NFIA: variants seen among roughly 807,000 people sequenced by gnomAD.
NFIA encodes the protein nuclear factor I A, also known as nuclear factor 1 A-type.
In NFIA, 8 loss-of-function variants were observed where a neutral mutation model predicts 62.8. The ratio of observed to expected loss-of-function variants is 0.13; its 90% CI spans 0.07 to 0.23. The LOEUF is 0.23. Among genes scored for constraint, NFIA ranks in the 10% least tolerant of loss-of-function variants. The pLI is 1.00. For synonymous variants in NFIA, 235 were observed against 238.1 expected, an observed-to-expected ratio of 0.99 and a Z score of 0.12; for missense variants, 410 against 642.1, an observed-to-expected ratio of 0.64 and a Z score of 3.91.
In NFIA at chr1:61,151,958, C is replaced by G. The variant is rs1357979746; in HGVS notation, c.559+63278C>G. Among the ~76,000 whole-genome samples the G allele has an allele frequency of 2.6e-5, 4 of 152,192 alleles. No homozygotes were observed. In the East Asian group the frequency reaches 7.7e-4, roughly 29 times the overall value. Reference sequence around the variant, plus strand: ...AACCTTGGCATCTCTCACTTAAGAACACTGAATTCATGGTGTTGCTCAGAG... The same window carrying G: ...AACCTTGGCATCTCTCACTTAAGAAGACTGAATTCATGGTGTTGCTCAGAG... On this transcript the variant is annotated intron_variant, in intron 2 of 10. Coordinates refer to ENST00000403491, the MANE Select transcript of NFIA (RefSeq NM_001134673.4).
intron 5 of NFIA, 147 bp from the exon 6 acceptor site, chr1:61,359,000 G>A: frequency 8.9e-7 from 1 of 1,120,800 alleles, no homozygotes; most frequent in East Asian, 2.4e-5. Context: ...TGACTCACCA[G>A]ACTGAACAGA....
At chr1:61,404,975 A>G (rs1415231127) in intron 8 of NFIA, among the ~76,000 whole-genome samples, 1 of 152,252 alleles carries the variant, frequency 6.6e-6, no homozygotes, top group Admixed American at 6.5e-5. Context: ...ATATAGGATT[A>G]GATGTTTACA....
intron 2 of NFIA, among the ~76,000 whole-genome samples, chr1:61,255,421 T>A (rs778428431): frequency 3.3e-5 from 5 of 152,246 alleles, no homozygotes; most frequent in Admixed American, 2.0e-4. Flanking sequence ...ATCATATGAT[T>A]TGCTTGAAAT....
intron 3 of NFIA, among the ~76,000 whole-genome samples, chr1:61,297,248 A>C (rs1329834006): frequency 2.6e-5 from 4 of 152,206 alleles, no homozygotes; most frequent in Non-Finnish European, 5.9e-5. Context: ...TCTACTCTGC[A>C]TACCATTAAA....
chr1:61,189,087 C>T (rs1651418321), intron 2 of NFIA, among the ~76,000 whole-genome samples: 1 of 152,116 alleles, frequency 6.6e-6, no homozygotes, highest in Non-Finnish European at 1.5e-5. Flanking sequence ...AATCAAAGTC[C>T]TGGTATCAGG....
intron 2 of NFIA, among the ~76,000 whole-genome samples, chr1:61,259,815 A>G (rs1487569285): frequency 6.6e-6 from 1 of 152,222 alleles, no homozygotes; most frequent in Non-Finnish European, 1.5e-5. Flanking sequence ...CATTGGATGA[A>G]GTGTTACAAT....
At chr1:61,383,438 C>CCATT in intron 7 of NFIA, 73 bp downstream of exon 7, 1 of 1,584,046 alleles carries the variant, frequency 6.3e-7, no homozygotes, top group Non-Finnish European at 8.6e-7. Flanking sequence ...AAATGAGAAA[C>CCATT]AATGAGGACT....
chr1:61,083,454 G>A (rs1646156768), intron 1 of NFIA, among the ~76,000 whole-genome samples: 1 of 152,072 alleles, frequency 6.6e-6, no homozygotes, highest in Admixed American at 6.5e-5. Flanking sequence ...AAAGGACGCG[G>A]GCTCCCGTCC....
upstream of NFIA, among the ~76,000 whole-genome samples, chr1:61,078,930 A>G (rs1411807588): frequency 6.6e-6 from 1 of 152,214 alleles, no homozygotes; most frequent in Admixed American, 6.5e-5. Context: ...GCAGCCTCTG[A>G]CTAAAATATC....
intron 3 of NFIA, among the ~76,000 whole-genome samples, chr1:61,279,380 G>A (rs546676370): frequency 3.3e-4 from 49 of 149,346 alleles, no homozygotes; most frequent in Non-Finnish European, 5.5e-4. Context: ...TATCAAAGTT[G>A]TCTTTTTAAA....
chr1:61,312,444 G>A (rs887126930), intron 3 of NFIA, among the ~76,000 whole-genome samples: 2 of 152,010 alleles, frequency 1.3e-5, no homozygotes, highest in Non-Finnish European at 2.9e-5. Context: ...GTGGTTTTTA[G>A]TGACATTCTA....
At chr1:61,264,842 C>A (rs1314836713) in intron 2 of NFIA, among the ~76,000 whole-genome samples, 2 of 151,934 alleles carry the variant, frequency 1.3e-5, no homozygotes, top group African/African-American at 4.8e-5. Context: ...TAACTACAGA[C>A]AAGAATGTAG....
chr1:61,404,563 T>C (rs1665728859), intron 8 of NFIA, among the ~76,000 whole-genome samples: 1 of 152,218 alleles, frequency 6.6e-6, no homozygotes, highest in Non-Finnish European at 1.5e-5. Flanking sequence ...TGTGGGCTGA[T>C]CATTCCACCT....
intron 7 of NFIA, among the ~76,000 whole-genome samples, chr1:61,390,985 G>T (rs1217723037): frequency 6.6e-6 from 1 of 152,204 alleles, no homozygotes; most frequent in African/African-American, 2.4e-5. Context: ...ATATTCAGCA[G>T]CACGTAGAAA....
chr1:61,392,720 A>G (rs1468219806), intron 7 of NFIA, among the ~76,000 whole-genome samples: 1 of 152,254 alleles, frequency 6.6e-6, no homozygotes, highest in Non-Finnish European at 1.5e-5. Flanking sequence ...TCATGTTAAT[A>G]TGTTGTCCCT....
intron 2 of NFIA, among the ~76,000 whole-genome samples, chr1:61,197,234 CTTTTTTTTT>C (rs1002158986): frequency 1.1e-5 from 1 of 93,388 alleles, no homozygotes; most frequent in Admixed American, 1.2e-4. Flanking sequence ...TACTCTGGTT[CTTTTTTTTT>C]TTTTTTTTTT....
chr1:61,349,868 T>A (rs551353992), intron 4 of NFIA, among the ~76,000 whole-genome samples: 21 of 152,308 alleles, frequency 1.4e-4, no homozygotes, highest in Middle Eastern at 3.4e-3. Context: ...GCTGTGATTA[T>A]AGGCGTGAGC....
rs151331654 is a variant in NFIA, at chr1:61,089,190, C to T, written c.559+510C>T. Among the ~76,000 whole-genome samples the T allele has an allele frequency of 1.1e-4, 17 of 152,168 alleles. No individual in the cohort carries two copies. The East Asian group carries it at 1.4e-3, about 12-fold the overall frequency. On this transcript the variant is annotated intron_variant, in intron 2 of 10. Coordinates refer to ENST00000403491, the MANE Select transcript of NFIA (RefSeq NM_001134673.4). The stretch of plus-strand genomic sequence containing the variant: ...GGAAGGAAAAATAATCACATTAATA[C>T]GCAGACTTAGTAGCTTTGTATTTAG...
At chr1:61,216,481 T>C (rs1482270241) in intron 2 of NFIA, among the ~76,000 whole-genome samples, 1 of 152,236 alleles carries the variant, frequency 6.6e-6, no homozygotes, top group Non-Finnish European at 1.5e-5. Flanking sequence ...GTTATCTCAG[T>C]TGGCTCTTGA....
Sources: gnomAD v4.1 joint callset for allele counts (sites outside exome capture counted in the v4.1 genomes callset) on GRCh38, gnomAD v4.1.1 for gene constraint, MANE v1.5 for transcripts, NCBI Gene and HGNC (gene_info 2026-07-23, HGNC 2026-07-21) for gene names.